The following NAT2 variants were observed in gnomAD, a reference collection of about 807,000 sequenced individuals.
NAT2 encodes arylamine N-acetyltransferase 2.
For missense variants in NAT2, 428 were observed against 339.1 expected, an observed-to-expected ratio of 1.26 and a Z score of -2.06; for synonymous variants, 137 against 125.9, an observed-to-expected ratio of 1.09 and a Z score of -0.59.
chr8:18,398,415 GT>G (rs965205311), intron 1 of NAT2, among the ~76,000 whole-genome samples: 1 of 152,136 alleles, frequency 6.6e-6, no homozygotes, highest in African/African-American at 2.4e-5. Flanking sequence ...TTTGTGGCTG[GT>G]TTTGAGAAAA....
intron 1 of NAT2, among the ~76,000 whole-genome samples, chr8:18,394,972 A>C (rs543564369): frequency 6.6e-6 from 1 of 152,330 alleles, no homozygotes; most frequent in Non-Finnish European, 1.5e-5. Flanking sequence ...CTTTACACAA[A>C]TATTAAAAGC....
intron 1 of NAT2, among the ~76,000 whole-genome samples, chr8:18,391,943 C>G (rs370838741): frequency 1.3e-5 from 2 of 152,162 alleles, no homozygotes; most frequent in Admixed American, 6.5e-5. Context: ...TTGTACTGAC[C>G]GCAAGTCTTT....
intron 1 of NAT2, among the ~76,000 whole-genome samples, chr8:18,392,265 G>C (rs964262244): frequency 6.6e-6 from 1 of 152,192 alleles, no homozygotes; most frequent in Non-Finnish European, 1.5e-5. Flanking sequence ...GGAGTAGTGA[G>C]TCACATGATC....
chr8:18,394,497 A>C (rs1274076250), intron 1 of NAT2, among the ~76,000 whole-genome samples: 1 of 152,170 alleles, frequency 6.6e-6, no homozygotes, highest in Non-Finnish European at 1.5e-5. Flanking sequence ...TTTGTAAAGA[A>C]TCTCATATTA....
chr8:18,388,964 C>T (rs991317062), upstream of NAT2, among the ~76,000 whole-genome samples: 2 of 152,136 alleles, frequency 1.3e-5, no homozygotes, highest in African/African-American at 4.8e-5. Flanking sequence ...AGGGTATTCT[C>T]AAGCTCTCTG....
intron 1 of NAT2, among the ~76,000 whole-genome samples, chr8:18,398,995 C>G (rs1488489381): frequency 6.6e-6 from 1 of 152,200 alleles, no homozygotes; most frequent in African/African-American, 2.4e-5. Flanking sequence ...CTCATCCTGT[C>G]TCACTTTGAT....
chr8:18,400,533 A>T lies in NAT2; in HGVS notation c.530A>T (p.Asn177Ile). The part of the protein sequence containing the change: ...EQYITNKEFL[N>I]SHLLPKKKHQ... ...TATATTACAAACAAAGAATTTCTTA[A>T]TTCTCATCTCCTGCCAAAGAAGAAA... Residue 177 changes from asparagine to isoleucine, a missense_variant, in exon 2 of 2, where the codon AAT (asparagine) becomes ATT (isoleucine). By Grantham distance (149) the Asn-to-Ile change is moderately radical. Transcript: ENST00000286479. 1.2e-6 allele frequency: 2 copies of T among 1,612,894 alleles called. No homozygotes were observed. Among genetic ancestry groups the T allele is most frequent in the Non-Finnish European group, 1.7e-6 (2 of 1,179,694 alleles).
chr8:18,392,726 C>T lies in NAT2; in HGVS notation c.-7+1381C>T, dbSNP rs1016710578. Among the ~76,000 whole-genome samples the T allele has an allele frequency of 7.2e-5, 11 of 152,224 alleles. No individual in the cohort carries two copies. The South Asian group carries it at 1.0e-3, about 14-fold the overall frequency. On this transcript the variant is annotated intron_variant, in intron 1 of 1. Transcript: ENST00000286479. ...ACTTGGGAAACTTGAGAATGAAGAC[C>T]CAACTTCCCAGTAAGTTACAGAAAC... is the stretch of plus-strand genomic sequence containing the variant.
rs558071769 is a variant in NAT2, at chr8:18,391,295, C to A, written c.-57C>A. On this transcript the variant is annotated 5_prime_UTR_variant, in exon 1 of 2. Coordinates refer to ENST00000286479, the MANE Select transcript of NAT2 (RefSeq NM_000015.3). ...GGAAGGGAGAGCACTTTATTACAGA[C>A]CTTGGAAGCAAGAGGATTGCATTCA... is the stretch of plus-strand genomic sequence containing the variant. 1 of 152,032 alleles carries A rather than the reference C, an allele frequency of 6.6e-6. No homozygotes were observed. The highest frequency in any genetic ancestry group is 1.5e-5 in the Non-Finnish European group (1 of 68,024). The allele number at this position is 152,032 out of a possible 1,614,324, so 9.4% of individuals were successfully genotyped here.
rs931868525 is a variant in NAT2, at chr8:18,399,554, T to G, written c.-6-444T>G. On this transcript the variant is annotated intron_variant, in intron 1 of 1. Coordinates refer to ENST00000286479, the MANE Select transcript of NAT2 (RefSeq NM_000015.3). ...TTTGAGTGAGGAGCTTTGTGTTAGGTACAGCTAAATGGGAAATCAAGTGGG... is the reference window on the plus strand; with the variant it reads ...TTTGAGTGAGGAGCTTTGTGTTAGGGACAGCTAAATGGGAAATCAAGTGGG... Among the ~76,000 whole-genome samples, 10 of 152,320 alleles carry G rather than the reference T, an allele frequency of 6.6e-5. No homozygotes were observed. The East Asian group carries it at 1.9e-3, about 29-fold the overall frequency.
chr8:18,395,951 C>T lies in NAT2; in HGVS notation c.-6-4047C>T, dbSNP rs373950703. Reference sequence around the variant, plus strand: ...AATTTGTCTCTCTTCCCCAACCCATCTTTTTTTTTTTTTTTTTGCAGTTTT... The same window carrying T: ...AATTTGTCTCTCTTCCCCAACCCATTTTTTTTTTTTTTTTTTTGCAGTTTT... On this transcript the variant is annotated intron_variant, in intron 1 of 1. Coordinates refer to ENST00000286479, the MANE Select transcript of NAT2 (RefSeq NM_000015.3). 1.7e-3 allele frequency among the ~76,000 whole-genome samples: 231 copies of T among 134,484 alleles called. 1 individual carries two copies. The highest frequency in any genetic ancestry group is 5.7e-3 in the African/African-American group (210 of 36,842). The allele number at this position is 134,484 out of a possible 152,430, so 88.2% of individuals were successfully genotyped here. A position where few individuals can be genotyped will look rare whatever the true frequency, so the allele number is the denominator to read the frequency against.
chr8:18,392,339 C>G (rs1362544521), intron 1 of NAT2, among the ~76,000 whole-genome samples: 1 of 152,146 alleles, frequency 6.6e-6, no homozygotes, highest in Non-Finnish European at 1.5e-5. Flanking sequence ...GTCCGAGTCC[C>G]AAAACCTCAA....
At chr8:18,399,895 T>C in intron 1 of NAT2, 103 bp from the exon 2 acceptor site, 1 of 1,263,624 alleles carries the variant, frequency 7.9e-7, no homozygotes. Context: ...TTATAACCAT[T>C]GTGTTTTTAC....
intron 1 of NAT2, among the ~76,000 whole-genome samples, chr8:18,396,489 G>C (rs1021221951): frequency 6.6e-6 from 1 of 152,086 alleles, no homozygotes; most frequent in Admixed American, 6.5e-5. Context: ...CCTGCCTCCA[G>C]GGTTCAAGTG....
upstream of NAT2, among the ~76,000 whole-genome samples, chr8:18,390,587 TTA>T (rs1416125288): frequency 2.0e-5 from 3 of 152,076 alleles, no homozygotes; most frequent in Non-Finnish European, 4.4e-5. Context: ...TATACAATGT[TTA>T]TATTTTATAT....
At chr8:18,394,070 C>T (rs551903845) in intron 1 of NAT2, among the ~76,000 whole-genome samples, 4 of 151,564 alleles carry the variant, frequency 2.6e-5, no homozygotes, top group South Asian at 4.2e-4. Flanking sequence ...AGGGTGGGGC[C>T]ATTTTATAGG....
upstream of NAT2, among the ~76,000 whole-genome samples, chr8:18,388,899 T>C (rs190522002): frequency 5.9e-5 from 9 of 152,186 alleles, no homozygotes; most frequent in East Asian, 1.9e-4. Flanking sequence ...TAAAAAACTT[T>C]GATGAAGTCA....
upstream of NAT2, among the ~76,000 whole-genome samples, chr8:18,390,727 A>AAG: frequency 7.7e-6 from 1 of 129,190 alleles, no homozygotes; most frequent in African/African-American, 2.7e-5. Context: ...TTAATGTCAA[A>AAG]AAAGCAGAAA....
At chr8:18,396,490 G>A (rs1260731588) in intron 1 of NAT2, among the ~76,000 whole-genome samples, 1 of 152,054 alleles carries the variant, frequency 6.6e-6, no homozygotes, top group Non-Finnish European at 1.5e-5. Context: ...CTGCCTCCAG[G>A]GTTCAAGTGA....
Sources: gnomAD v4.1 joint callset for allele counts (sites outside exome capture counted in the v4.1 genomes callset) on GRCh38, gnomAD v4.1.1 for gene constraint, MANE v1.5 for transcripts, NCBI Gene and HGNC (gene_info 2026-07-23, HGNC 2026-07-21) for gene names.